Variants in HEMK1 observed in about 807,000 individuals in gnomAD.
HEMK1 encodes MTRF1L release factor glutamine methyltransferase.
Under a neutral mutation model 47.9 loss-of-function variants are expected in HEMK1, and 36 were observed. That is an observed-to-expected ratio of 0.75 (90% CI 0.58 to 0.99). The LOEUF is 0.99. Ranked by LOEUF, HEMK1 falls within the 50% of genes least tolerant of loss-of-function variation. The pLI is 0.00. For synonymous variants in HEMK1, 153 were observed against 165.4 expected (o/e 0.93, Z 0.57); for missense variants, 383 against 434.5 (o/e 0.88, Z 1.05).
intron 6 of HEMK1, 111 bp downstream of exon 6, chr3:50,577,684 G>T: frequency 7.2e-7 from 1 of 1,379,376 alleles, no homozygotes; most frequent in Non-Finnish European, 1.0e-6. Context: ...GGGTAGCCTG[G>T]CATGGGTCCC....
At position 50,580,777 on chromosome 3, in the gene HEMK1, C is replaced by T. The variant is rs541673146; in HGVS notation, c.*360C>T. 4.4e-5 allele frequency: 15 copies of T among 340,296 alleles called. No homozygotes were observed. The highest frequency in any genetic ancestry group is 2.5e-4 in the South Asian group (8 of 32,470). 21.1% of individuals were successfully genotyped at this position (340,296 alleles called of 1,614,324 possible). ...TTCCTTCTGCCCCAGCAGGGCTGGC[C>T]GTCAGTCCCCTGCTTGGTAGTGGTG... On this transcript the variant is annotated 3_prime_UTR_variant, in exon 11 of 11. Transcript: ENST00000232854.
intron 4 of HEMK1, 58 bp downstream of exon 4, chr3:50,572,266 G>A (rs1701084902): frequency 1.9e-6 from 3 of 1,572,870 alleles, no homozygotes; most frequent in African/African-American, 1.4e-5. Flanking sequence ...CAGGGCACCA[G>A]TCTTACCCCA....
rs762610202 is a variant in HEMK1 at position 50,583,981 on chromosome 3, G to T, written c.*3564G>T. ...CATGCATTTTCTAGAATAGAGCTGG[G>T]ACTTCCCATGTGGCCCACATCTGAC... On this transcript the variant is annotated 3_prime_UTR_variant, in exon 11 of 11. Coordinates refer to ENST00000232854, the MANE Select transcript of HEMK1 (RefSeq NM_016173.5). 1 of 152,194 alleles carries T rather than the reference G, an allele frequency of 6.6e-6. No homozygotes were observed. The highest frequency in any genetic ancestry group is 1.5e-5 in the Non-Finnish European group (1 of 68,048). 9.4% of individuals were successfully genotyped at this position (152,194 alleles called of 1,614,324 possible).
intron 2 of HEMK1, 164 bp from the exon 3 acceptor site, chr3:50,571,546 G>A (rs1700959169): frequency 2.7e-6 from 2 of 736,688 alleles, no homozygotes; most frequent in South Asian, 3.2e-5. Context: ...TGGAAGCCTG[G>A]TGTTAGCTGT....
rs1470828570 is a variant in HEMK1 at position 50,571,464 on chromosome 3, G to A, written c.228+132G>A. The A allele has an allele frequency of 1.7e-5, 12 of 711,564 alleles. No individual in the cohort carries two copies. In the East Asian group the frequency reaches 1.9e-4, roughly 11 times the overall value. The allele number at this position is 711,564 out of a possible 1,614,324, so 44.1% of individuals were successfully genotyped here. ...GATTTTTCTGAAGGAACGTCTTAGCGCCTGGCACACACTGTAACAGTTTGT... is the reference window on the plus strand; with the variant it reads ...GATTTTTCTGAAGGAACGTCTTAGCACCTGGCACACACTGTAACAGTTTGT... On this transcript the variant is annotated intron_variant, in intron 2 of 10. Transcript: ENST00000232854.
Position 50,581,732 on chromosome 3 carries a change from C to T in HEMK1, c.*1315C>T, listed in dbSNP as rs1045900801. On this transcript the variant is annotated 3_prime_UTR_variant, in exon 11 of 11. Coordinates refer to ENST00000232854, the MANE Select transcript of HEMK1 (RefSeq NM_016173.5). Reference sequence around the variant, plus strand: ...CAAGTGGAGACAGTAAGTTAGATCCCTCCCTTTGGGGAGCCTATATTGCTG... The same window carrying T: ...CAAGTGGAGACAGTAAGTTAGATCCTTCCCTTTGGGGAGCCTATATTGCTG... 6.6e-6 allele frequency: 1 copy of T among 152,260 alleles called. No individual in the cohort carries two copies. The highest frequency in any genetic ancestry group is 1.5e-5 in the Non-Finnish European group (1 of 68,070). The allele number at this position is 152,260 out of a possible 1,614,324, so 9.4% of individuals were successfully genotyped here. A position where few individuals can be genotyped will look rare whatever the true frequency, so the allele number is the denominator to read the frequency against.
rs2031666281 is a variant in HEMK1 at position 50,590,545 on chromosome 3, C to CTG, written c.*10130_*10131dup. The CTG allele has an allele frequency of 2.5e-3, 3 of 1,212 alleles. No individual in the cohort carries two copies. In the South Asian group the frequency reaches 0.38, roughly 151 times the overall value. The allele number at this position is 1,212 out of a possible 1,614,324, so 0.1% of individuals were successfully genotyped here. A position where few individuals can be genotyped will look rare whatever the true frequency, so the allele number is the denominator to read the frequency against. Reference sequence around the variant, plus strand: ...CCCTCTAGCGTGGGCGACAGCAAGACTGTTTCAAAAAAAAAAAAGAGGAAG... The same window carrying CTG: ...CCCTCTAGCGTGGGCGACAGCAAGACTGTGTTTCAAAAAAAAAAAAGAGGAAG... On this transcript the variant is annotated 3_prime_UTR_variant, in exon 11 of 11. Transcript: ENST00000232854.
intron 9 of HEMK1, 54 bp downstream of exon 9, chr3:50,579,993 A>G: frequency 1.3e-6 from 2 of 1,536,378 alleles, no homozygotes; most frequent in Non-Finnish European, 9.0e-7. Context: ...CTCTGCTCCT[A>G]ATGTGTACTG....
chr3:50,577,598 G>A (rs2107478332), intron 6 of HEMK1, 25 bp downstream of exon 6: 1 of 1,607,112 alleles, frequency 6.2e-7, no homozygotes, highest in Non-Finnish European at 8.5e-7. Context: ...TGCACTTTGG[G>A]GCCTAATCTT....
In HEMK1 at chr3:50,581,089, G is replaced by A. The variant is rs985478378; in HGVS notation, c.*672G>A. On this transcript the variant is annotated 3_prime_UTR_variant, in exon 11 of 11. Coordinates refer to ENST00000232854, the MANE Select transcript of HEMK1 (RefSeq NM_016173.5). The stretch of plus-strand genomic sequence containing the variant: ...TTTAACTGAAGGCTTGAGCCAGTGA[G>A]GGGTGTTTCCTTTTTATCCCCATAG... 2.0e-5 allele frequency: 3 copies of A among 152,340 alleles called. No individual in the cohort carries two copies. Among genetic ancestry groups the A allele is most frequent in the Non-Finnish European group, 2.9e-5 (2 of 68,160 alleles). The allele number at this position is 152,340 out of a possible 1,614,324, so 9.4% of individuals were successfully genotyped here.
In HEMK1 at chr3:50,595,313, C is replaced by T. The variant is rs1033617457; in HGVS notation, c.*14896C>T. 5 of 152,206 alleles carry T rather than the reference C, an allele frequency of 3.3e-5. No individual in the cohort carries two copies. The highest frequency in any genetic ancestry group is 4.8e-5 in the African/African-American group (2 of 41,448). 9.4% of individuals were successfully genotyped at this position (152,206 alleles called of 1,614,324 possible). Reference sequence around the variant, plus strand: ...GACAACAGATTATTGTTTACAGTAACGGCAGTAGACAGAGTAAAAGCATTT... The same window carrying T: ...GACAACAGATTATTGTTTACAGTAATGGCAGTAGACAGAGTAAAAGCATTT... On this transcript the variant is annotated 3_prime_UTR_variant, in exon 11 of 11. Coordinates refer to ENST00000232854, the MANE Select transcript of HEMK1 (RefSeq NM_016173.5).
chr3:50,571,005 A>T lies in HEMK1; in HGVS notation c.-100A>T. 1.2e-6 allele frequency: 1 copy of T among 859,514 alleles called. No homozygotes were observed. The allele number at this position is 859,514 out of a possible 1,614,324, so 53.2% of individuals were successfully genotyped here. Reference sequence around the variant, plus strand: ...GCTTGTGACCTCTCCATCTCCACCCAGCTGGGTCCAGGGGCCACTCTCAGC... The same window carrying T: ...GCTTGTGACCTCTCCATCTCCACCCTGCTGGGTCCAGGGGCCACTCTCAGC... On this transcript the variant is annotated 5_prime_UTR_variant, in exon 2 of 11. Transcript: ENST00000232854.
rs1226913318 is a variant in HEMK1, at chr3:50,581,640, A to T, written c.*1223A>T. 6.6e-6 allele frequency: 1 copy of T among 152,216 alleles called. No individual in the cohort carries two copies. Among genetic ancestry groups the T allele is most frequent in the African/African-American group, 2.4e-5 (1 of 41,440 alleles). 9.4% of individuals were successfully genotyped at this position (152,216 alleles called of 1,614,324 possible). A position where few individuals can be genotyped will look rare whatever the true frequency, so the allele number is the denominator to read the frequency against. On this transcript the variant is annotated 3_prime_UTR_variant, in exon 11 of 11. Transcript: ENST00000232854. ...AGTGGAATGTGCATGCTGGCATCTG[A>T]ATGTCCATTCGCCAGGCATGGAGAG...
chr3:50,579,296 G>C (rs765910908), intron 8 of HEMK1, among the ~76,000 whole-genome samples: 1 of 152,140 alleles, frequency 6.6e-6, no homozygotes, highest in Non-Finnish European at 1.5e-5. Flanking sequence ...AGAATACTGA[G>C]GCCCAGAGAG....
chr3:50,579,921 G>A lies in HEMK1; in HGVS notation c.848G>A (p.Arg283Gln), dbSNP rs1360296382. The A allele has an allele frequency of 9.3e-6, 15 of 1,613,714 alleles. No homozygotes were observed. In the African/African-American group the frequency reaches 9.3e-5, roughly 10 times the overall value. The change falls in exon 9 of 11, where the codon CGG (arginine) becomes CAG (glutamine). Residue 283 changes from arginine to glutamine, a missense_variant. Physicochemically the swap from Arg to Gln is conservative, Grantham distance 43 (BLOSUM62 1). Transcript: ENST00000232854. ...ACCCACATTCTGGCCTTGGCACCCC[G>A]GCTCCTGAAAGACTCTGGGTATGAA... The part of the protein sequence containing the change: ...IITHILALAP[R>Q]LLKDSGSIFL...
rs1389468055 is a variant in HEMK1, at chr3:50,589,405, G to A, written c.*8988G>A. 7.1e-6 allele frequency: 1 copy of A among 140,402 alleles called. No individual in the cohort carries two copies. The highest frequency in any genetic ancestry group is 1.5e-5 in the Non-Finnish European group (1 of 65,024). 8.7% of individuals were successfully genotyped at this position (140,402 alleles called of 1,614,324 possible). A position where few individuals can be genotyped will look rare whatever the true frequency, so the allele number is the denominator to read the frequency against. On this transcript the variant is annotated 3_prime_UTR_variant, in exon 11 of 11. Transcript: ENST00000232854. ...GTGCTGTGCCCATTTGAGTCTGTGT[G>A]TGGTTTTTAAAATTGGGTTTTTTTT...
intron 3 of HEMK1, 118 bp from the exon 4 acceptor site, chr3:50,571,997 A>G (rs529945995): frequency 2.6e-6 from 4 of 1,524,990 alleles, no homozygotes; most frequent in South Asian, 1.2e-5. Flanking sequence ...AGGAGTCCCA[A>G]GGCCCTGGAG....
In HEMK1 at chr3:50,586,708, A is replaced by T. The variant is rs1485610085; in HGVS notation, c.*6291A>T. On this transcript the variant is annotated 3_prime_UTR_variant, in exon 11 of 11. Transcript: ENST00000232854. Reference sequence around the variant, plus strand: ...GGTACAGATGAGGAAACTGAGGCTTAGCAGGACAGGAGCAGGGCTGGGGCA... The same window carrying T: ...GGTACAGATGAGGAAACTGAGGCTTTGCAGGACAGGAGCAGGGCTGGGGCA... The T allele has an allele frequency of 6.6e-6, 1 of 152,186 alleles. No homozygotes were observed. The highest frequency in any genetic ancestry group is 1.9e-4 in the East Asian group (1 of 5,176). The allele number at this position is 152,186 out of a possible 1,614,324, so 9.4% of individuals were successfully genotyped here. A position where few individuals can be genotyped will look rare whatever the true frequency, so the allele number is the denominator to read the frequency against.
rs563405681 is a variant in HEMK1, at chr3:50,572,084, C to A, written c.321-31C>A. The A allele has an allele frequency of 4.3e-6, 7 of 1,612,242 alleles. No individual in the cohort carries two copies. The East Asian group carries it at 1.1e-4, about 26-fold the overall frequency. Reference sequence around the variant, plus strand: ...TGGTCCTGTTGGTCCTAGCTCTGTCCCTGATGACCACCCAGCTGCCCCCTC... The same window carrying A: ...TGGTCCTGTTGGTCCTAGCTCTGTCACTGATGACCACCCAGCTGCCCCCTC... On this transcript the variant is annotated intron_variant, in intron 3 of 10. Coordinates refer to ENST00000232854, the MANE Select transcript of HEMK1 (RefSeq NM_016173.5).
Sources: allele counts gnomAD v4.1 joint callset (sites outside exome capture counted in the v4.1 genomes callset), GRCh38; gene constraint gnomAD v4.1.1; transcripts MANE v1.5; gene names NCBI Gene and HGNC (gene_info 2026-07-23, HGNC 2026-07-21).